The following CBY1 variants were observed in gnomAD, a reference collection of about 807,000 sequenced individuals.
CBY1 encodes chibby 1, beta catenin antagonist, also known as protein chibby homolog 1.
In CBY1, 10 loss-of-function variants were observed where a neutral mutation model predicts 15.6. The observed-to-expected ratio is 0.64, with a 90% confidence interval of 0.40 to 1.09. The LOEUF (loss-of-function observed/expected upper bound fraction) is 1.09. Among genes scored for constraint, CBY1 ranks in the 50% least tolerant of loss-of-function variants. The probability of loss-of-function intolerance (pLI) is 0.01; values close to 1 mark genes in which losing one functional copy is unlikely to be tolerated. For missense variants in CBY1, 150 were observed against 160.5 expected (o/e 0.93, Z 0.35); for synonymous variants, 61 against 63.5 (o/e 0.96, Z 0.19).
chr22:38,663,272 T>C (rs2092426770), intron 1 of CBY1, among the ~76,000 whole-genome samples: 1 of 151,666 alleles, frequency 6.6e-6, no homozygotes, highest in African/African-American at 2.4e-5. Context: ...CTGGCCAACA[T>C]GGTGAAACCC....
At chr22:38,669,121 C>T (rs2092445318) in intron 2 of CBY1, among the ~76,000 whole-genome samples, 1 of 152,224 alleles carries the variant, frequency 6.6e-6, no homozygotes, top group Non-Finnish European at 1.5e-5. Context: ...CACATGCTGA[C>T]AGGTACTTGT....
chr22:38,665,675 A>C, intron 1 of CBY1: 1 of 1,202,004 alleles, frequency 8.3e-7, no homozygotes, highest in Non-Finnish European at 1.0e-6. Context: ...CTGTGCATGT[A>C]CAGTGGCCAG....
At chr22:38,670,759 C>A in intron 2 of CBY1, 125 bp from the exon 3 acceptor site, 2 of 676,394 alleles carry the variant, frequency 3.0e-6, no homozygotes, top group Non-Finnish European at 5.3e-6. Context: ...TTAAAAAAAT[C>A]ATTAAAGGTG....
rs192888176 is a variant in CBY1, at chr22:38,672,433, A to G, written c.304-726A>G. ...AACCTCTGCCTCCCGGGTTCAAGTG[A>G]TTCTCCTGCATCAGCCTCCTGATTA... On this transcript the variant is annotated intron_variant, in intron 4 of 4. Coordinates refer to ENST00000216029, the MANE Select transcript of CBY1 (RefSeq NM_015373.4). Among the ~76,000 whole-genome samples, 398 of 151,688 alleles carry G rather than the reference A, an allele frequency of 2.6e-3. 1 individual carries two copies. Among genetic ancestry groups the G allele is most frequent in the Non-Finnish European group, 4.5e-3 (303 of 67,904 alleles).
intron 2 of CBY1, chr22:38,668,400 C>T (rs1206730336): frequency 9.1e-6 from 3 of 330,404 alleles, no homozygotes; most frequent in Non-Finnish European, 1.7e-5. Flanking sequence ...GATGGAGTCT[C>T]ACTCCCGTCC....
chr22:38,663,522 CCT>C (rs1438205401), intron 1 of CBY1, among the ~76,000 whole-genome samples: 2 of 150,780 alleles, frequency 1.3e-5, no homozygotes, highest in East Asian at 3.9e-4. Flanking sequence ...ATAGAGAAAC[CCT>C]GTCTCTACTA....
chr22:38,662,460 A>G (rs927683867), intron 1 of CBY1, among the ~76,000 whole-genome samples: 12 of 152,126 alleles, frequency 7.9e-5, no homozygotes, highest in African/African-American at 2.9e-4. Context: ...AGAAGTTAAC[A>G]GAAAATATCA....
At chr22:38,660,606 G>C (rs991270784) in intron 1 of CBY1, among the ~76,000 whole-genome samples, 4 of 149,412 alleles carry the variant, frequency 2.7e-5, no homozygotes, top group African/African-American at 9.8e-5. Context: ...TACCATATAT[G>C]TGTGTGTACA....
At chr22:38,661,051 G>A (rs1451755563) in intron 1 of CBY1, among the ~76,000 whole-genome samples, 1 of 151,870 alleles carries the variant, frequency 6.6e-6, no homozygotes, top group Non-Finnish European at 1.5e-5. Context: ...TCCCCACCCC[G>A]TCCCCTCCAC....
chr22:38,667,014 A>ATT (rs374657298), intron 1 of CBY1, among the ~76,000 whole-genome samples: 14 of 101,358 alleles, frequency 1.4e-4, no homozygotes, highest in African/African-American at 2.5e-4. Flanking sequence ...TTCTTTCTTT[A>ATT]TTTTTTTTTT....
intron 1 of CBY1, among the ~76,000 whole-genome samples, chr22:38,657,836 C>T (rs889173148): frequency 6.6e-6 from 1 of 152,150 alleles, no homozygotes; most frequent in Non-Finnish European, 1.5e-5. Context: ...TGACTTATTT[C>T]TCCTTCTTCA....
rs534530892 is a variant in CBY1, at chr22:38,659,400, C to T, written c.-39+2650C>T. Among the ~76,000 whole-genome samples the T allele has an allele frequency of 2.6e-5, 4 of 152,016 alleles. No homozygotes were observed. The East Asian group carries it at 7.8e-4, about 30-fold the overall frequency. On this transcript the variant is annotated intron_variant, in intron 1 of 4. Coordinates refer to ENST00000216029, the MANE Select transcript of CBY1 (RefSeq NM_015373.4). ...AGTAGCTGGGATTACAGGCGTGTGCCACCACACCTGGCTAATTTTTGTATT... is the reference window on the plus strand; with the variant it reads ...AGTAGCTGGGATTACAGGCGTGTGCTACCACACCTGGCTAATTTTTGTATT...
intron 1 of CBY1, chr22:38,666,394 G>T (rs1476287431): frequency 6.6e-6 from 1 of 151,928 alleles, no homozygotes; most frequent in East Asian, 1.9e-4. Flanking sequence ...TAAAAAGTTT[G>T]CTTCTCCCCT....
At chr22:38,671,987 G>C (rs1449896484) in intron 4 of CBY1, among the ~76,000 whole-genome samples, 1 of 151,252 alleles carries the variant, frequency 6.6e-6, no homozygotes, top group Non-Finnish European at 1.5e-5. Context: ...GACTAGGCTG[G>C]GCATGATGGC....
intron 1 of CBY1, among the ~76,000 whole-genome samples, chr22:38,665,896 A>C (rs8138757): frequency 6.6e-6 from 1 of 151,720 alleles, no homozygotes; most frequent in African/African-American, 2.4e-5. Context: ...TTAGCTGGGC[A>C]TGGTGGCACA....
intron 2 of CBY1, chr22:38,668,609 G>C (rs1451794793): frequency 6.4e-6 from 1 of 155,778 alleles, no homozygotes; most frequent in Non-Finnish European, 1.4e-5. Flanking sequence ...GATCTCAGGT[G>C]ATCCACCCGC....
chr22:38,673,095 C>A, intron 4 of CBY1, 64 bp from the exon 5 acceptor site: 2 of 1,207,886 alleles, frequency 1.7e-6, no homozygotes, highest in Non-Finnish European at 2.4e-6. Context: ...TAGGGCCGGC[C>A]TTGCTAACCC....
rs559183098 is a variant in CBY1, at chr22:38,672,213, G to C, written c.304-946G>C. Among the ~76,000 whole-genome samples the C allele has an allele frequency of 9.9e-5, 15 of 151,162 alleles. No individual in the cohort carries two copies. In the East Asian group the frequency reaches 2.9e-3, roughly 30 times the overall value. On this transcript the variant is annotated intron_variant, in intron 4 of 4. Coordinates refer to ENST00000216029, the MANE Select transcript of CBY1 (RefSeq NM_015373.4). ...GGAGGTGGAGGTTGCAGTGGGCTGA[G>C]ATCGCGCCACTGTACTCTAGCCTGG... is the stretch of plus-strand genomic sequence containing the variant.
At chr22:38,666,090 G>A (rs1439016550) in intron 1 of CBY1, among the ~76,000 whole-genome samples, 1 of 151,296 alleles carries the variant, frequency 6.6e-6, no homozygotes, top group South Asian at 2.1e-4. Context: ...CTCTCACCTT[G>A]GCCTCCCAAA....
Sources: allele counts gnomAD v4.1 joint callset (sites outside exome capture counted in the v4.1 genomes callset), GRCh38; gene constraint gnomAD v4.1.1; transcripts MANE v1.5; gene names NCBI Gene and HGNC (gene_info 2026-07-23, HGNC 2026-07-21).